The following CNNM4 variants were observed in gnomAD, a reference collection of about 807,000 sequenced individuals.
CNNM4 encodes the protein cyclin and CBS domain divalent metal cation transport mediator 4.
CNNM4 carries 32 observed loss-of-function variants against 53.7 expected under a neutral mutation model. The ratio of observed to expected loss-of-function variants is 0.60; its 90% CI spans 0.45 to 0.80. CNNM4 has a LOEUF of 0.80. CNNM4 is among the 30% of genes least tolerant of loss of function. The pLI is 0.00. For missense variants in CNNM4, 784 were observed against 1,022.0 expected, an observed-to-expected ratio of 0.77 and a Z score of 3.17; for synonymous variants, 410 against 440.0, an observed-to-expected ratio of 0.93 and a Z score of 0.85.
chr2:96,786,934 T>A (rs930801309), intron 1 of CNNM4, among the ~76,000 whole-genome samples: 2 of 151,890 alleles, frequency 1.3e-5, no homozygotes, highest in African/African-American at 4.8e-5. Flanking sequence ...AAATAAAAAA[T>A]AGCATGTGAA....
At chr2:96,809,244 C>G in intron 6 of CNNM4, 76 bp from the exon 7 acceptor site, 1 of 1,592,338 alleles carries the variant, frequency 6.3e-7, no homozygotes, top group Non-Finnish European at 8.5e-7. Flanking sequence ...TCAATCCTGG[C>G]CCTGTTTCTC....
At chr2:96,780,732 ATTTG>A (rs1015665345) in intron 1 of CNNM4, among the ~76,000 whole-genome samples, 12 of 150,782 alleles carry the variant, frequency 8.0e-5, no homozygotes, top group South Asian at 6.3e-4. Context: ...GTTTGTTTTT[ATTTG>A]TTTGTTTGTT....
At chr2:96,807,327 G>T (rs1265671989) in intron 5 of CNNM4, among the ~76,000 whole-genome samples, 1 of 152,116 alleles carries the variant, frequency 6.6e-6, no homozygotes. Flanking sequence ...TTTAAGAGGT[G>T]ACAGGGCTGG....
chr2:96,797,764 G>A lies in CNNM4; in HGVS notation c.1681+117G>A. The A allele has an allele frequency of 7.2e-7, 1 of 1,388,454 alleles. No individual in the cohort carries two copies. Among genetic ancestry groups the A allele is most frequent in the Non-Finnish European group, 9.9e-7 (1 of 1,007,854 alleles). 86.0% of individuals were successfully genotyped at this position (1,388,454 alleles called of 1,614,324 possible). On this transcript the variant is annotated intron_variant, in intron 3 of 6. Transcript: ENST00000377075. The surrounding 1 kb of genome is among the most constrained non-coding windows in gnomAD (Gnocchi z 6.0). The stretch of plus-strand genomic sequence containing the variant: ...GGCTGCAGCAGGTGAGGGGTGCAGA[G>A]ACAACACAGCCACCCCTGGAAGGGG...
intron 1 of CNNM4, among the ~76,000 whole-genome samples, chr2:96,765,381 C>G (rs900228681): frequency 1.3e-5 from 2 of 151,898 alleles, no homozygotes; most frequent in African/African-American, 4.8e-5. Flanking sequence ...CCGCCTTGGC[C>G]TCCCAAAGTG....
intron 5 of CNNM4, among the ~76,000 whole-genome samples, chr2:96,805,202 C>T (rs2079190776): frequency 6.6e-6 from 1 of 151,892 alleles, no homozygotes; most frequent in Admixed American, 6.6e-5. Context: ...TGCACTTGAT[C>T]CTCTAATGAT....
chr2:96,769,593 GAGGAA>G (rs2078850481), intron 1 of CNNM4, among the ~76,000 whole-genome samples: 1 of 151,670 alleles, frequency 6.6e-6, no homozygotes, highest in African/African-American at 2.4e-5. Flanking sequence ...ATGTGTGAGA[GAGGAA>G]AGGACAGTGC....
chr2:96,761,877 G>C lies in CNNM4; in HGVS notation c.878G>C (p.Arg293Pro). Residue 293 changes from arginine to proline, a missense_variant, in exon 1 of 7, where the codon CGA becomes CCA. Around this residue, in one of 3 missense-constraint regions of CNNM4, gnomAD observed 473 missense variants for 624.6 expected, o/e 0.76. Transcript: ENST00000377075. This position sits in a 1 kb window ranked among gnomAD's most constrained non-coding sequence, Gnocchi z 6.0. The part of the protein sequence containing the change: ...GEILPQALCS[R>P]HGLAVGANTI... ...ATCCTACCTCAGGCCCTGTGCTCCC[G>C]ACATGGGCTGGCTGTGGGTGCCAAC... The C allele has an allele frequency of 6.2e-7, 1 of 1,614,134 alleles. No homozygotes were observed. Among genetic ancestry groups the C allele is most frequent in the Non-Finnish European group, 8.5e-7 (1 of 1,180,014 alleles).
chr2:96,786,506 C>T (rs777080868), intron 1 of CNNM4, among the ~76,000 whole-genome samples: 27 of 151,438 alleles, frequency 1.8e-4, no homozygotes, highest in Admixed American at 9.2e-4. Context: ...TGGCCAGGTA[C>T]GGTGGCTCAT....
chr2:96,775,816 C>T (rs1365962950), intron 1 of CNNM4, among the ~76,000 whole-genome samples: 3 of 152,170 alleles, frequency 2.0e-5, no homozygotes, highest in Non-Finnish European at 4.4e-5. Flanking sequence ...GCCCCCACCT[C>T]CCAGGCTCAA....
chr2:96,797,457 C>G lies in CNNM4; in HGVS notation c.1547-56C>G, dbSNP rs2079113798. 17 of 1,607,714 alleles carry G rather than the reference C, an allele frequency of 1.1e-5. No individual in the cohort carries two copies. The South Asian group carries it at 1.6e-4, about 16-fold the overall frequency. ...CAGGAGCTGCGGGGCGGGTTCCAGT[C>G]TCTTCCTAAGTCCTCAGGGGTCTGT... On this transcript the variant is annotated intron_variant, in intron 2 of 6. Transcript: ENST00000377075. The surrounding 1 kb of genome is among the most constrained non-coding windows in gnomAD (Gnocchi z 6.0).
intron 3 of CNNM4, chr2:96,798,370 C>T (rs1380933218): frequency 1.2e-5 from 2 of 164,880 alleles, no homozygotes; most frequent in Non-Finnish European, 2.7e-5. Flanking sequence ...CTCGTGTGCT[C>T]ACCCACTCTG....
chr2:96,799,154 C>A lies in CNNM4; in HGVS notation c.1779C>A (p.His593Gln), dbSNP rs1350824280. 6.2e-7 allele frequency: 1 copy of A among 1,612,012 alleles called. No individual in the cohort carries two copies. Among genetic ancestry groups the A allele is most frequent in the African/African-American group, 1.3e-5 (1 of 74,798 alleles). ...DVIQELKFDE[H>Q]NKYYARHYLY... Reference sequence around the variant, plus strand: ...TTCAGGAACTCAAGTTTGACGAGCACAATAAGTACTACGCCCGCCATTACC... The same window carrying A: ...TTCAGGAACTCAAGTTTGACGAGCAAAATAAGTACTACGCCCGCCATTACC... Residue 593 changes from histidine (H) to glutamine (Q), a missense_variant, in exon 4 of 7, where the codon CAC becomes CAA. Physicochemically the swap from His to Gln is conservative, Grantham distance 24. Coordinates refer to ENST00000377075, the MANE Select transcript of CNNM4 (RefSeq NM_020184.4).
chr2:96,789,023 T>A (rs1333098087), intron 1 of CNNM4: 1 of 152,308 alleles, frequency 6.6e-6, no homozygotes, highest in East Asian at 1.9e-4. Context: ...CGCAGCAGTT[T>A]GCTAAAATGG....
intron 1 of CNNM4, among the ~76,000 whole-genome samples, chr2:96,783,125 G>A (rs2078988640): frequency 6.6e-6 from 1 of 152,144 alleles, no homozygotes; most frequent in South Asian, 2.1e-4. Flanking sequence ...TGCCAAAAAG[G>A]TTCAAAGAAT....
chr2:96,773,461 G>A (rs537669659), intron 1 of CNNM4, among the ~76,000 whole-genome samples: 96 of 152,272 alleles, frequency 6.3e-4, no homozygotes, highest in African/African-American at 2.1e-3. Context: ...CACTGTCTCC[G>A]TTGGCAGGCT....
intron 1 of CNNM4, among the ~76,000 whole-genome samples, chr2:96,763,855 C>T (rs533992176): frequency 8.1e-5 from 11 of 135,376 alleles, no homozygotes; most frequent in African/African-American, 2.7e-4. Context: ...GAGACAGACC[C>T]CTAGTGGTGA....
At chr2:96,780,419 C>CT (rs796619515) in intron 1 of CNNM4, among the ~76,000 whole-genome samples, 1,847 of 139,846 alleles carry the variant, frequency 0.013, 16 homozygotes, top group African/African-American at 0.026. Context: ...CTTGCTCTCC[C>CT]TTTTTTTTTT....
intron 1 of CNNM4, among the ~76,000 whole-genome samples, chr2:96,782,231 A>T (rs2078981303): frequency 6.6e-6 from 1 of 151,986 alleles, no homozygotes; most frequent in Non-Finnish European, 1.5e-5. Context: ...GCTTGAGCCC[A>T]GAAGACCCTG....
Sources: allele counts gnomAD v4.1 joint callset (sites outside exome capture counted in the v4.1 genomes callset), GRCh38; gene constraint gnomAD v4.1.1; regional missense constraint gnomAD v4.1.1; non-coding constraint Gnocchi (gnomAD v3.1); transcripts MANE v1.5; gene names NCBI Gene and HGNC (gene_info 2026-07-23, HGNC 2026-07-21).